Variants in CAMK2D observed in about 807,000 individuals in gnomAD.
CAMK2D encodes the protein calcium/calmodulin dependent protein kinase II delta.
Under a neutral mutation model 84.0 loss-of-function variants are expected in CAMK2D, and 37 were observed. The observed-to-expected ratio is 0.44, with a 90% CI of 0.34 to 0.58. The LOEUF is 0.58. CAMK2D is among the 20% of genes least tolerant of loss of function. The pLI, the probability that CAMK2D is intolerant of heterozygous loss-of-function variation, is 0.02. For missense variants in CAMK2D, 448 were observed against 652.5 expected (o/e 0.69, Z 3.41); for synonymous variants, 202 against 212.5 (o/e 0.95, Z 0.43).
At chr4:113,577,425 T>C (rs1333482534) in intron 4 of CAMK2D, among the ~76,000 whole-genome samples, 1 of 152,324 alleles carries the variant, frequency 6.6e-6, no homozygotes, top group Non-Finnish European at 1.5e-5. Flanking sequence ...CTCTGTTCCA[T>C]AGACATTAGA....
At chr4:113,621,111 G>A (rs957464567) in intron 3 of CAMK2D, among the ~76,000 whole-genome samples, 28 of 151,938 alleles carry the variant, frequency 1.8e-4, no homozygotes, top group Admixed American at 1.3e-3. Flanking sequence ...TTGTAGAGAC[G>A]AGGTCTCACT....
intron 2 of CAMK2D, among the ~76,000 whole-genome samples, chr4:113,670,442 T>C (rs952485691): frequency 2.8e-5 from 4 of 144,914 alleles, no homozygotes; most frequent in African/African-American, 9.8e-5. Context: ...AATTTGTCTA[T>C]ATCTTTATTT....
chr4:113,673,059 G>A (rs1366813109), intron 2 of CAMK2D, among the ~76,000 whole-genome samples: 1 of 152,102 alleles, frequency 6.6e-6, no homozygotes, highest in Non-Finnish European at 1.5e-5. Flanking sequence ...TTTGCTTTTG[G>A]CTCTACAAGA....
At position 113,531,256 on chromosome 4, in the gene CAMK2D, A is replaced by G. The variant is rs557144643; in HGVS notation, c.561T>C (p.Arg187=). ...CCACTGGCTTTCCATAAGGATCTTT[A>G]CGTAAAACTTCTGGAGAAAGATATC... ...TPGYLSPEVL[R]KDPYGKPVDM... Residue 187 remains arginine (R), a synonymous_variant, in exon 8 of 21, where the codon CGT becomes CGC. Transcript: ENST00000511664. 1.5e-5 allele frequency: 24 copies of G among 1,606,502 alleles called. No individual in the cohort carries two copies. Among genetic ancestry groups the G allele is most frequent in the Middle Eastern group, 3.3e-4 (2 of 6,034 alleles).
intron 2 of CAMK2D, chr4:113,679,472 T>A: frequency 1.0e-6 from 1 of 972,514 alleles, no homozygotes; most frequent in Non-Finnish European, 1.2e-6. Context: ...CAGCCACATA[T>A]TCTCCAGTCT....
chr4:113,750,467 C>T (rs1293263103), intron 2 of CAMK2D, among the ~76,000 whole-genome samples: 1 of 152,146 alleles, frequency 6.6e-6, no homozygotes, highest in East Asian at 1.9e-4. Flanking sequence ...TTTCTGCATG[C>T]TCTCAAAAGC....
intron 13 of CAMK2D, among the ~76,000 whole-genome samples, chr4:113,509,089 G>T (rs1427131406): frequency 6.6e-6 from 1 of 152,050 alleles, no homozygotes; most frequent in African/African-American, 2.4e-5. Flanking sequence ...TTTCTTGCAA[G>T]ATTTTTCTAA....
intron 2 of CAMK2D, among the ~76,000 whole-genome samples, chr4:113,678,933 C>A (rs2099329395): frequency 2.0e-5 from 3 of 152,072 alleles, no homozygotes; most frequent in African/African-American, 7.2e-5. Context: ...GGTGCCATAA[C>A]CAGCACCCAG....
At chr4:113,599,340 C>A (rs577151331) in intron 4 of CAMK2D, among the ~76,000 whole-genome samples, 1 of 152,232 alleles carries the variant, frequency 6.6e-6, no homozygotes, top group South Asian at 2.1e-4. Context: ...TAGGTATTTA[C>A]CCAAATGAGT....
At chr4:113,603,876 CT>C (rs2098966295) in intron 4 of CAMK2D, among the ~76,000 whole-genome samples, 1 of 147,230 alleles carries the variant, frequency 6.8e-6, no homozygotes, top group African/African-American at 2.5e-5. Flanking sequence ...GGGAGGATAG[CT>C]TGAGACCGGA....
intron 16 of CAMK2D, among the ~76,000 whole-genome samples, chr4:113,491,504 T>C (rs1394132363): frequency 6.6e-6 from 1 of 151,948 alleles, no homozygotes; most frequent in Non-Finnish European, 1.5e-5. Context: ...CACTTGATCA[T>C]GGTGGATAAG....
intron 19 of CAMK2D, chr4:113,456,516 ATC>A (rs2097305566): frequency 4.8e-5 from 1 of 20,948 alleles, no homozygotes. Context: ...TGGACTATCC[ATC>A]CTCCTTTGCT....
At chr4:113,457,283 G>C (rs770102799) in intron 19 of CAMK2D, 52 bp downstream of exon 19, 2 of 1,604,176 alleles carry the variant, frequency 1.2e-6, no homozygotes, top group East Asian at 4.5e-5. Flanking sequence ...TAAGTAGAAG[G>C]AGCTGACCAT....
chr4:113,493,963 G>A (rs1369487422), intron 16 of CAMK2D, among the ~76,000 whole-genome samples: 4 of 151,978 alleles, frequency 2.6e-5, no homozygotes, highest in African/African-American at 4.8e-5. Flanking sequence ...CATTCTTCAC[G>A]TAGTTCTTGA....
intron 3 of CAMK2D, among the ~76,000 whole-genome samples, chr4:113,616,845 A>G (rs1263171855): frequency 6.6e-6 from 1 of 152,172 alleles, no homozygotes; most frequent in East Asian, 1.9e-4. Context: ...ATCTGGAAAC[A>G]TTCTTTGTTT....
chr4:113,695,100 T>A (rs1344453572), intron 2 of CAMK2D, among the ~76,000 whole-genome samples: 1 of 152,144 alleles, frequency 6.6e-6, no homozygotes, highest in Admixed American at 6.6e-5. Context: ...CTTACTCTGA[T>A]TACATCACGA....
chr4:113,572,063 AC>A (rs1165519965), intron 4 of CAMK2D, among the ~76,000 whole-genome samples: 2 of 145,212 alleles, frequency 1.4e-5, no homozygotes, highest in African/African-American at 5.2e-5. Flanking sequence ...CAACATGAAA[AC>A]AGTTTTCATA....
At chr4:113,616,135 TTAAATTATATTTCAAAGCAA>T (rs2099019984) in intron 3 of CAMK2D, among the ~76,000 whole-genome samples, 1 of 152,028 alleles carries the variant, frequency 6.6e-6, no homozygotes, top group South Asian at 2.1e-4. Context: ...TCAACTAAAA[TTAAATTATATTTCAAAGCAA>T]TTGACTGCTT....
intron 16 of CAMK2D, among the ~76,000 whole-genome samples, chr4:113,471,797 C>T (rs543047264): frequency 3.9e-5 from 6 of 151,996 alleles, no homozygotes; most frequent in Non-Finnish European, 7.4e-5. Context: ...TGTCCCCCAC[C>T]CCTTTAAGGT....
Sources: gnomAD v4.1 joint callset for allele counts (sites outside exome capture counted in the v4.1 genomes callset) on GRCh38, gnomAD v4.1.1 for gene constraint, MANE v1.5 for transcripts, NCBI Gene and HGNC (gene_info 2026-07-23, HGNC 2026-07-21) for gene names.